SLC30A8: variants seen among roughly 807,000 people sequenced by gnomAD.
SLC30A8 encodes the protein proton-coupled zinc antiporter SLC30A8.
In SLC30A8, 27 loss-of-function variants were observed where a neutral mutation model predicts 36.9. That is an observed-to-expected ratio of 0.73 (90% CI 0.54 to 1.01). The LOEUF is 1.01. Ranked by LOEUF, SLC30A8 falls within the 50% of genes least tolerant of loss-of-function variation. The pLI, the probability that SLC30A8 is intolerant of heterozygous loss-of-function variation, is 0.00. For synonymous variants in SLC30A8, 164 were observed against 172.4 expected (o/e 0.95, Z 0.38); for missense variants, 439 against 452.0 (o/e 0.97, Z 0.26).
upstream of SLC30A8, among the ~76,000 whole-genome samples, chr8:117,130,690 T>G (rs1821094773): frequency 6.6e-6 from 1 of 151,968 alleles, no homozygotes; most frequent in African/African-American, 2.4e-5. Flanking sequence ...CTTGCCTTTT[T>G]ATATAAATAA....
At chr8:117,065,667 C>G (rs1308651270) in intron 2 of SLC30A8, among the ~76,000 whole-genome samples, 1 of 151,898 alleles carries the variant, frequency 6.6e-6, no homozygotes, top group Non-Finnish European at 1.5e-5. Context: ...TTTTTGTGTC[C>G]CACTCTCTTG....
At chr8:117,126,354 ATATCT>A (rs1820903817) in intron 2 of SLC30A8, among the ~76,000 whole-genome samples, 1 of 152,034 alleles carries the variant, frequency 6.6e-6, no homozygotes, top group Non-Finnish European at 1.5e-5. Context: ...ATTTTTATAA[ATATCT>A]TAGAGAAATT....
At chr8:117,170,928 G>A in intron 6 of SLC30A8, 106 bp from the exon 7 acceptor site, 1 of 915,284 alleles carries the variant, frequency 1.1e-6, no homozygotes, top group Non-Finnish European at 1.7e-6. Flanking sequence ...CCAGCAAAGG[G>A]ATGAACACAT....
chr8:117,163,039 A>T (rs1822875371), intron 5 of SLC30A8, among the ~76,000 whole-genome samples: 1 of 152,268 alleles, frequency 6.6e-6, no homozygotes, highest in Non-Finnish European at 1.5e-5. Context: ...TCTTCTGCTC[A>T]TTATAATTAA....
At chr8:117,101,695 C>T (rs1305817292) in intron 2 of SLC30A8, among the ~76,000 whole-genome samples, 1 of 152,136 alleles carries the variant, frequency 6.6e-6, no homozygotes, top group East Asian at 1.9e-4. Context: ...ACAATCTAAT[C>T]AGCTGCCAGT....
intron 1 of SLC30A8, among the ~76,000 whole-genome samples, chr8:117,015,403 A>G (rs886390023): frequency 8.5e-5 from 13 of 152,094 alleles, no homozygotes; most frequent in African/African-American, 2.7e-4. Context: ...ATTTTTCTCC[A>G]TGGTCCATTC....
intron 1 of SLC30A8, among the ~76,000 whole-genome samples, chr8:116,981,514 C>G (rs1408482355): frequency 6.6e-6 from 1 of 152,156 alleles, no homozygotes; most frequent in Non-Finnish European, 1.5e-5. Flanking sequence ...TTTCACCACC[C>G]AGGTAATAAG....
intron 6 of SLC30A8, chr8:117,164,017 C>T (rs1394042452): frequency 2.0e-5 from 3 of 152,968 alleles, no homozygotes; most frequent in Admixed American, 6.5e-5. Flanking sequence ...CAGAGCAGAA[C>T]ACAGCTCTCT....
chr8:116,984,020 GC>G (rs1408373984), intron 1 of SLC30A8, among the ~76,000 whole-genome samples: 7 of 151,958 alleles, frequency 4.6e-5, no homozygotes, highest in Non-Finnish European at 1.0e-4. Flanking sequence ...TCTAGCCACC[GC>G]TAATCTGTTA....
intron 1 of SLC30A8, among the ~76,000 whole-genome samples, chr8:116,985,325 C>T (rs1215455197): frequency 1.4e-5 from 2 of 143,142 alleles, no homozygotes; most frequent in Non-Finnish European, 3.0e-5. Flanking sequence ...CACACACACA[C>T]ACACACACAA....
chr8:117,139,002 C>T (rs920311161), intron 1 of SLC30A8, among the ~76,000 whole-genome samples: 26 of 151,994 alleles, frequency 1.7e-4, no homozygotes, highest in African/African-American at 5.6e-4. Context: ...AATGAAGATT[C>T]TTCTGGTGGA....
At chr8:117,073,916 C>T (rs1317668847) in intron 2 of SLC30A8, among the ~76,000 whole-genome samples, 1 of 148,704 alleles carries the variant, frequency 6.7e-6, no homozygotes, top group East Asian at 2.0e-4. Context: ...ACAGTCTACT[C>T]ATTCTGTTCT....
chr8:116,981,046 A>G (rs567964863), intron 1 of SLC30A8, among the ~76,000 whole-genome samples: 2 of 152,342 alleles, frequency 1.3e-5, no homozygotes, highest in East Asian at 1.9e-4. Flanking sequence ...GGCAGGGCCC[A>G]TGGGATGGCT....
intron 2 of SLC30A8, among the ~76,000 whole-genome samples, chr8:117,113,494 T>TGTAA (rs1820319307): frequency 6.6e-6 from 1 of 152,144 alleles, no homozygotes; most frequent in African/African-American, 2.4e-5. Context: ...GTATTGCTAT[T>TGTAA]GTAACATTTA....
At chr8:117,040,962 G>C (rs549652991) in intron 2 of SLC30A8, among the ~76,000 whole-genome samples, 1 of 151,986 alleles carries the variant, frequency 6.6e-6, no homozygotes, top group Non-Finnish European at 1.5e-5. Context: ...TTTCTGTTAG[G>C]GGCTTTCTCC....
intron 2 of SLC30A8, among the ~76,000 whole-genome samples, chr8:117,104,058 C>T (rs985500740): frequency 6.6e-6 from 1 of 152,138 alleles, no homozygotes; most frequent in Admixed American, 6.6e-5. Flanking sequence ...TATTCCTGGC[C>T]TTTGCTGACA....
rs541601460 is a variant in SLC30A8, at chr8:116,962,686, G to A, written c.-266+11567G>A. On this transcript the variant is annotated intron_variant, in intron 1 of 10. Transcript: ENST00000427715. The stretch of plus-strand genomic sequence containing the variant: ...TGTTGCTCTCAATACATTTATTCAC[G>A]AGGTAATATTGTATAACCAGAGTCA... Among the ~76,000 whole-genome samples the A allele has an allele frequency of 6.6e-5, 10 of 152,086 alleles. No homozygotes were observed. The East Asian group carries it at 7.7e-4, about 12-fold the overall frequency.
chr8:117,098,888 T>C (rs1819587224), intron 2 of SLC30A8, among the ~76,000 whole-genome samples: 1 of 152,142 alleles, frequency 6.6e-6, no homozygotes, highest in African/African-American at 2.4e-5. Context: ...ATAATGCTTT[T>C]GAGGGACTGT....
intron 2 of SLC30A8, among the ~76,000 whole-genome samples, chr8:117,095,185 G>C (rs541234950): frequency 1.3e-5 from 2 of 152,328 alleles, no homozygotes; most frequent in East Asian, 3.9e-4. Flanking sequence ...GTGTAGCACA[G>C]AGCCCTGGCT....
Sources: allele counts gnomAD v4.1 joint callset (sites outside exome capture counted in the v4.1 genomes callset), GRCh38; gene constraint gnomAD v4.1.1; transcripts MANE v1.5; gene names NCBI Gene and HGNC (gene_info 2026-07-23, HGNC 2026-07-21).